CNTN4: variants seen among roughly 807,000 people sequenced by gnomAD.
CNTN4 encodes contactin 4, also known as contactin-4.
CNTN4 carries 77 observed loss-of-function variants against 122.5 expected under a neutral mutation model. That is an observed-to-expected ratio of 0.63 (90% CI 0.52 to 0.76). The LOEUF (loss-of-function observed/expected upper bound fraction) is 0.76, where lower values mean the gene tolerates loss of function less well. Ranked by LOEUF, CNTN4 falls within the 30% of genes least tolerant of loss-of-function variation. CNTN4 has a pLI of 0.00. For missense variants in CNTN4, 1,256 were observed against 1,259.1 expected, an observed-to-expected ratio of 1.00 and a Z score of 0.04; for synonymous variants, 512 against 447.0, an observed-to-expected ratio of 1.15 and a Z score of -1.83.
rs113013797 is a variant in CNTN4, at chr3:2,239,834, G to T, written c.-144-99344G>T. ...TTTTCTTGCTGAATTTTATGGGATG[G>T]GAACAGATCTAGGAAGGAAGGCTCG... is the stretch of plus-strand genomic sequence containing the variant. On this transcript the variant is annotated intron_variant, in intron 2 of 24. Coordinates refer to ENST00000418658, the MANE Select transcript of CNTN4 (RefSeq NM_175607.3). Among the ~76,000 whole-genome samples the T allele has an allele frequency of 4.2e-3, 636 of 152,268 alleles. 3 individuals carry two copies. The highest frequency in any genetic ancestry group is 6.8e-3 in the Non-Finnish European group (463 of 68,002).
intron 6 of CNTN4, among the ~76,000 whole-genome samples, chr3:2,808,942 G>T (rs1166739357): frequency 1.3e-5 from 2 of 152,322 alleles, no homozygotes; most frequent in East Asian, 3.9e-4. Flanking sequence ...TAGTCCAACA[G>T]GTCTCACCAA....
chr3:2,388,455 T>C (rs749456240), intron 3 of CNTN4, among the ~76,000 whole-genome samples: 4 of 152,186 alleles, frequency 2.6e-5, no homozygotes, highest in Non-Finnish European at 5.9e-5. Context: ...TGCTATTAAT[T>C]ACTCGAGGAT....
intron 5 of CNTN4, among the ~76,000 whole-genome samples, chr3:2,739,126 T>A (rs527947551): frequency 2.0e-5 from 3 of 152,104 alleles, no homozygotes; most frequent in African/African-American, 7.2e-5. Context: ...AAAAATTCAG[T>A]AAACATAAAA....
intron 12 of CNTN4, among the ~76,000 whole-genome samples, chr3:2,917,087 G>C (rs916689739): frequency 7.8e-6 from 1 of 128,132 alleles, no homozygotes; most frequent in Non-Finnish European, 1.7e-5. Flanking sequence ...ATCACTCGCG[G>C]TTAGGAGCTG....
chr3:2,188,549 C>A (rs1329364049), intron 2 of CNTN4, among the ~76,000 whole-genome samples: 1 of 152,138 alleles, frequency 6.6e-6, no homozygotes, highest in East Asian at 1.9e-4. Flanking sequence ...GCTGCAGTGC[C>A]ATTTCAGGCA....
intron 3 of CNTN4, among the ~76,000 whole-genome samples, chr3:2,401,177 G>T (rs1559520663): frequency 6.6e-6 from 1 of 152,120 alleles, no homozygotes; most frequent in East Asian, 1.9e-4. Flanking sequence ...CAGAGTATCT[G>T]AGTTACGTTC....
At chr3:2,692,929 AT>A (rs140145434) in intron 4 of CNTN4, among the ~76,000 whole-genome samples, 6 of 150,168 alleles carry the variant, frequency 4.0e-5, no homozygotes, top group African/African-American at 1.5e-4. Flanking sequence ...TTTTTATCAA[AT>A]TTTTTTCTAT....
intron 4 of CNTN4, among the ~76,000 whole-genome samples, chr3:2,606,986 C>A (rs891605133): frequency 6.6e-6 from 1 of 152,160 alleles, no homozygotes; most frequent in Non-Finnish European, 1.5e-5. Context: ...TGGCTCCTGA[C>A]TGTGATGTCC....
intron 2 of CNTN4, among the ~76,000 whole-genome samples, chr3:2,188,109 C>A (rs1424654176): frequency 6.6e-6 from 1 of 151,578 alleles, no homozygotes; most frequent in Admixed American, 6.6e-5. Context: ...ACCTTTTGAG[C>A]CCTTCCCCAA....
At chr3:2,191,522 G>C (rs935344826) in intron 2 of CNTN4, among the ~76,000 whole-genome samples, 6 of 151,956 alleles carry the variant, frequency 3.9e-5, no homozygotes, top group African/African-American at 7.3e-5. Context: ...GTACTCATGT[G>C]GTGCCGCCAC....
chr3:2,768,227 T>G (rs756409765), intron 6 of CNTN4, among the ~76,000 whole-genome samples: 1 of 152,178 alleles, frequency 6.6e-6, no homozygotes, highest in Non-Finnish European at 1.5e-5. Context: ...TAATATAAAT[T>G]GTAATCACAT....
chr3:2,883,446 G>A lies in CNTN4; in HGVS notation c.755+199G>A, dbSNP rs9857024. Among the ~76,000 whole-genome samples, 3,949 of 152,196 alleles carry A rather than the reference G, an allele frequency of 0.026. 175 individuals carry two copies. Among genetic ancestry groups the A allele is most frequent in the African/African-American group, 0.089 (3,714 of 41,512 alleles). On this transcript the variant is annotated intron_variant, in intron 9 of 24. Transcript: ENST00000418658. ...CATGTAATGGTGCAAGAAGGATTAGGCTGCCACAACTGACATGACCACAAA... is the reference window on the plus strand; with the variant it reads ...CATGTAATGGTGCAAGAAGGATTAGACTGCCACAACTGACATGACCACAAA...
intron 2 of CNTN4, among the ~76,000 whole-genome samples, chr3:2,208,133 A>G (rs2038447015): frequency 6.6e-6 from 1 of 152,162 alleles, no homozygotes; most frequent in Non-Finnish European, 1.5e-5. Flanking sequence ...TATCAGTACC[A>G]TAGATAGTGA....
chr3:2,220,109 C>A (rs574528042), intron 2 of CNTN4, among the ~76,000 whole-genome samples: 4 of 152,248 alleles, frequency 2.6e-5, no homozygotes, highest in Admixed American at 2.6e-4. Flanking sequence ...CTGTTCCTCT[C>A]TTGTCATGTT....
intron 3 of CNTN4, among the ~76,000 whole-genome samples, chr3:2,373,776 G>A (rs940972062): frequency 2.0e-5 from 3 of 152,148 alleles, no homozygotes; most frequent in Admixed American, 2.0e-4. Flanking sequence ...GTATGTGGAA[G>A]CATTTTAAGG....
chr3:2,978,331 G>C (rs1211048427), intron 13 of CNTN4, among the ~76,000 whole-genome samples: 1 of 152,172 alleles, frequency 6.6e-6, no homozygotes, highest in Non-Finnish European at 1.5e-5. Context: ...CATGTACTCA[G>C]GCACATGCTG....
chr3:2,677,228 G>A (rs903086074), intron 4 of CNTN4, among the ~76,000 whole-genome samples: 4 of 149,030 alleles, frequency 2.7e-5, no homozygotes, highest in Non-Finnish European at 5.9e-5. Context: ...TATCTATATA[G>A]AGAGATCTAT....
At chr3:2,120,726 A>G (rs1191978992) in intron 2 of CNTN4, among the ~76,000 whole-genome samples, 4 of 151,974 alleles carry the variant, frequency 2.6e-5, no homozygotes, top group Non-Finnish European at 4.4e-5. Context: ...TTAAGTATGC[A>G]TGTGACTCTC....
chr3:2,137,872 T>TTGCC (rs2034780195), intron 2 of CNTN4, among the ~76,000 whole-genome samples: 1 of 152,168 alleles, frequency 6.6e-6, no homozygotes, highest in Admixed American at 6.5e-5. Context: ...ACTGCCTGTG[T>TTGCC]TGCCACTATG....
Sources: gnomAD v4.1 joint callset for allele counts (sites outside exome capture counted in the v4.1 genomes callset) on GRCh38, gnomAD v4.1.1 for gene constraint, MANE v1.5 for transcripts, NCBI Gene and HGNC (gene_info 2026-07-23, HGNC 2026-07-21) for gene names.